The following CACNA1E variants were observed in gnomAD, a reference collection of about 807,000 sequenced individuals.
CACNA1E encodes the protein calcium voltage-gated channel subunit alpha1 E.
CACNA1E carries 40 observed loss-of-function variants against 259.2 expected under a neutral mutation model. The ratio of observed to expected loss-of-function variants is 0.15; its 90% confidence interval spans 0.12 to 0.20. CACNA1E has a LOEUF of 0.20. CACNA1E is among the 10% of genes least tolerant of loss of function. The probability of loss-of-function intolerance (pLI) is 1.00; values close to 1 mark genes in which losing one functional copy is unlikely to be tolerated. For missense variants in CACNA1E, 1,874 were observed against 3,040.1 expected, an observed-to-expected ratio of 0.62 and a Z score of 9.02; for synonymous variants, 1,104 against 1,138.5, an observed-to-expected ratio of 0.97 and a Z score of 0.61.
chr1:181,685,230 G>GTTTTTTTTTT (rs139598690), intron 7 of CACNA1E, among the ~76,000 whole-genome samples: 1 of 103,436 alleles, frequency 9.7e-6, no homozygotes, highest in African/African-American at 3.8e-5. Flanking sequence ...CCACCTTTAA[G>GTTTTTTTTTT]TTTTTTTTTT....
At chr1:181,441,430 G>T (rs771907972) in intron 2 of CACNA1E, among the ~76,000 whole-genome samples, 1 of 152,176 alleles carries the variant, frequency 6.6e-6, no homozygotes, top group Non-Finnish European at 1.5e-5. Context: ...GATTACAGGC[G>T]TGAGCCACCG....
chr1:181,608,770 C>T (rs1654470540), intron 6 of CACNA1E, among the ~76,000 whole-genome samples: 2 of 152,338 alleles, frequency 1.3e-5, no homozygotes, highest in South Asian at 2.1e-4. Flanking sequence ...GTGACCCGTG[C>T]TTTTCTGTTC....
At chr1:181,430,352 T>G (rs1659627552) in intron 2 of CACNA1E, among the ~76,000 whole-genome samples, 2 of 152,192 alleles carry the variant, frequency 1.3e-5, no homozygotes, top group South Asian at 4.1e-4. Flanking sequence ...AGGGTTGCCT[T>G]TTTACAGTTG....
chr1:181,336,122 A>G (rs1308035216), intron 1 of CACNA1E, among the ~76,000 whole-genome samples: 1 of 152,152 alleles, frequency 6.6e-6, no homozygotes, highest in Non-Finnish European at 1.5e-5. Context: ...TGACTTTTCA[A>G]CATTTGCTCG....
chr1:181,493,327 G>A (rs1256235342), intron 1 of CACNA1E, among the ~76,000 whole-genome samples: 2 of 152,162 alleles, frequency 1.3e-5, no homozygotes, highest in South Asian at 4.1e-4. Flanking sequence ...AGAGAGATAC[G>A]GTTGCACTGG....
rs1028619754 is a variant in CACNA1E, at chr1:181,674,270, C to T, written c.1055+22829C>T. 2.7e-5 allele frequency among the ~76,000 whole-genome samples: 4 copies of T among 150,434 alleles called. 1 individual carries two copies. In the South Asian group the frequency reaches 8.5e-4, roughly 32 times the overall value. ...TAGCCAGGCATGGCAGCGTGCGCCTCTAGTCCCAGCTGCTGGGGAGGCTGA... is the reference window on the plus strand; with the variant it reads ...TAGCCAGGCATGGCAGCGTGCGCCTTTAGTCCCAGCTGCTGGGGAGGCTGA... On this transcript the variant is annotated intron_variant, in intron 7 of 47. Transcript: ENST00000367573.
At chr1:181,778,695 T>C (rs972617910) in intron 38 of CACNA1E, among the ~76,000 whole-genome samples, 4 of 152,296 alleles carry the variant, frequency 2.6e-5, no homozygotes, top group East Asian at 1.9e-4. Context: ...GTTGGTAAGA[T>C]AGCTAGAATT....
At chr1:181,688,208 T>C (rs749788391) in intron 7 of CACNA1E, among the ~76,000 whole-genome samples, 1 of 152,230 alleles carries the variant, frequency 6.6e-6, no homozygotes, top group Non-Finnish European at 1.5e-5. Flanking sequence ...GTAGTATTTA[T>C]TATCCCTTTG....
At chr1:181,492,667 C>G (rs1168030651) in intron 1 of CACNA1E, among the ~76,000 whole-genome samples, 1 of 152,150 alleles carries the variant, frequency 6.6e-6, no homozygotes, top group Non-Finnish European at 1.5e-5. Flanking sequence ...TTTCTGTAGG[C>G]TAACACTGAA....
intron 7 of CACNA1E, among the ~76,000 whole-genome samples, chr1:181,653,649 G>A (rs573140658): frequency 2.0e-5 from 3 of 152,286 alleles, no homozygotes; most frequent in East Asian, 1.9e-4. Context: ...TTATAGCCAC[G>A]TCACTGTAAT....
chr1:181,708,282 T>C (rs1652992599), intron 7 of CACNA1E, among the ~76,000 whole-genome samples: 1 of 152,096 alleles, frequency 6.6e-6, no homozygotes, highest in Admixed American at 6.5e-5. Context: ...CAGAGGGTGA[T>C]GGAAGCCATA....
At position 181,798,074 on chromosome 1, in the gene CACNA1E, G is replaced by T. The variant is rs902590130; in HGVS notation, c.6400-218G>T. Among the ~76,000 whole-genome samples the T allele has an allele frequency of 6.6e-6, 1 of 152,162 alleles. No individual in the cohort carries two copies. Among genetic ancestry groups the T allele is most frequent in the African/African-American group, 2.4e-5 (1 of 41,436 alleles). The stretch of plus-strand genomic sequence containing the variant: ...TCTGCAGTTTAACCAGATCCCCAGA[G>T]GTTTGTATGCACAAAGTCTGAGATG... On this transcript the variant is annotated intron_variant, in intron 47 of 47. Transcript: ENST00000367573. The surrounding 1 kb of genome is among the most constrained non-coding windows in gnomAD (Gnocchi z 4.2).
At chr1:181,400,857 T>G (rs1307860901) in intron 1 of CACNA1E, among the ~76,000 whole-genome samples, 1 of 152,140 alleles carries the variant, frequency 6.6e-6, no homozygotes, top group African/African-American at 2.4e-5. Flanking sequence ...TTTGCTGTAT[T>G]ATGGCTGCAA....
intron 6 of CACNA1E, among the ~76,000 whole-genome samples, chr1:181,620,370 T>C (rs904391604): frequency 2.0e-5 from 3 of 152,206 alleles, no homozygotes; most frequent in African/African-American, 7.2e-5. Flanking sequence ...ACCTGGATAA[T>C]GTCATTTCAC....
At chr1:181,662,577 A>G (rs1647794799) in intron 7 of CACNA1E, among the ~76,000 whole-genome samples, 1 of 152,224 alleles carries the variant, frequency 6.6e-6, no homozygotes, top group Non-Finnish European at 1.5e-5. Context: ...TGTTTGTCAT[A>G]TAAGATTACC....
At chr1:181,426,656 T>A (rs1659251412) in intron 2 of CACNA1E, among the ~76,000 whole-genome samples, 2 of 94,384 alleles carry the variant, frequency 2.1e-5, no homozygotes, top group African/African-American at 8.5e-5. Flanking sequence ...CCCCTTCCCA[T>A]CTCTACCCCT....
At chr1:181,604,444 C>T (rs1654043841) in intron 6 of CACNA1E, among the ~76,000 whole-genome samples, 1 of 152,230 alleles carries the variant, frequency 6.6e-6, no homozygotes, top group African/African-American at 2.4e-5. Context: ...AGGTTGGCTA[C>T]ACTTTCCTTA....
chr1:181,479,151 G>A (rs145966241), upstream of CACNA1E, among the ~76,000 whole-genome samples: 1 of 152,294 alleles, frequency 6.6e-6, no homozygotes, highest in Non-Finnish European at 1.5e-5. Context: ...GGGTGTGTGT[G>A]GGGCTGCACT....
chr1:181,575,154 C>A (rs1444021972), intron 3 of CACNA1E, among the ~76,000 whole-genome samples: 1 of 152,154 alleles, frequency 6.6e-6, no homozygotes, highest in Non-Finnish European at 1.5e-5. Context: ...CAATGTGCAT[C>A]AATTAAAGAC....
Sources: gnomAD v4.1 joint callset for allele counts (sites outside exome capture counted in the v4.1 genomes callset) on GRCh38, gnomAD v4.1.1 for gene constraint, Gnocchi (gnomAD v3.1) non-coding constraint, MANE v1.5 for transcripts, NCBI Gene and HGNC (gene_info 2026-07-23, HGNC 2026-07-21) for gene names.